Variants in TPTE observed in about 807,000 individuals in gnomAD.
TPTE encodes putative tyrosine-protein phosphatase TPTE.
A neutral mutation model predicts 84.1 loss-of-function variants in TPTE; 59 were observed. The observed-to-expected ratio is 0.70, with a 90% CI of 0.57 to 0.87. The LOEUF (loss-of-function observed/expected upper bound fraction) is 0.87. Among genes scored for constraint, TPTE ranks in the 40% least tolerant of loss-of-function variants. The pLI is 0.00. For synonymous variants in TPTE, 130 were observed against 223.5 expected (o/e 0.58, Z 3.73); for missense variants, 382 against 659.6 (o/e 0.58, Z 4.61).
At chr21:10,547,668 G>A (rs1457584800) in intron 7 of TPTE, among the ~76,000 whole-genome samples, 1 of 152,308 alleles carries the variant, frequency 6.6e-6, no homozygotes, top group Non-Finnish European at 1.5e-5. Flanking sequence ...GCCCTCCTCT[G>A]GGGGCCAGTA....
chr21:10,602,722 G>GT (rs745832655), intron 22 of TPTE: 7 of 518,068 alleles, frequency 1.4e-5, no homozygotes, highest in Admixed American at 3.9e-5. Flanking sequence ...AACCGAAGCA[G>GT]TTTTTTATTA....
At chr21:10,560,577 G>A (rs2074778780) in intron 9 of TPTE, among the ~76,000 whole-genome samples, 2 of 152,424 alleles carry the variant, frequency 1.3e-5, no homozygotes, top group Middle Eastern at 3.4e-3. Flanking sequence ...AAAAATCTTG[G>A]TCTTTTAAGA....
At chr21:10,537,608 G>A (rs2074289335) in intron 3 of TPTE, among the ~76,000 whole-genome samples, 1 of 152,262 alleles carries the variant, frequency 6.6e-6, no homozygotes, top group East Asian at 1.9e-4. Context: ...AACCCGGGAG[G>A]TGGAGCTTGC....
chr21:10,591,234 C>T (rs1441348442), intron 18 of TPTE, among the ~76,000 whole-genome samples: 5 of 152,308 alleles, frequency 3.3e-5, no homozygotes, highest in Non-Finnish European at 7.3e-5. Context: ...AGTTCTCAGT[C>T]ATTTTTCTTT....
chr21:10,553,823 T>C (rs1410137748), intron 8 of TPTE, among the ~76,000 whole-genome samples: 2 of 152,428 alleles, frequency 1.3e-5, no homozygotes, highest in East Asian at 3.8e-4. Flanking sequence ...ATTATTCAAA[T>C]GTAAACTGGC....
At chr21:10,556,368 G>T (rs1401014173) in intron 8 of TPTE, among the ~76,000 whole-genome samples, 1 of 152,308 alleles carries the variant, frequency 6.6e-6, no homozygotes. Flanking sequence ...CAAAGGACAT[G>T]AACTCATCCT....
chr21:10,551,219 A>G (rs1315548948), intron 7 of TPTE, among the ~76,000 whole-genome samples: 1 of 147,044 alleles, frequency 6.8e-6, no homozygotes. Context: ...TCTCACTCAT[A>G]GGTGGGAATT....
chr21:10,584,504 AT>A (rs1179738854), intron 17 of TPTE, among the ~76,000 whole-genome samples: 1 of 152,298 alleles, frequency 6.6e-6, no homozygotes, highest in African/African-American at 2.4e-5. Flanking sequence ...TGCCTAGCTA[AT>A]TTTTTCATTT....
At chr21:10,539,178 AAGG>A (rs1274846845) in intron 4 of TPTE, among the ~76,000 whole-genome samples, 4 of 151,540 alleles carry the variant, frequency 2.6e-5, no homozygotes, top group Non-Finnish European at 4.4e-5. Flanking sequence ...GATTGACAGA[AAGG>A]AGGAGAAAAT....
At chr21:10,524,263 G>C (rs896751804) in intron 1 of TPTE, among the ~76,000 whole-genome samples, 7 of 152,312 alleles carry the variant, frequency 4.6e-5, no homozygotes, top group Non-Finnish European at 7.3e-5. Flanking sequence ...GTTTTGGCGG[G>C]GGAACTAGAT....
chr21:10,598,094 G>C lies in TPTE; in HGVS notation c.1356G>C (p.Ser452=). ...CCACTATTTCATTAGGAAAATGTTC[G>C]GTAAGAGAAAACATGTGAATTGAAA... is the stretch of plus-strand genomic sequence containing the variant. ...VFSTISLGKC[S]VLDNITTDKI... is the part of the protein sequence containing the mutation. Residue 452 remains serine, a splice_region_variant and synonymous_variant, in exon 21 of 24, where the codon TCG becomes TCC. Coordinates refer to ENST00000618007, the MANE Select transcript of TPTE (RefSeq NM_199261.4). 6.2e-7 allele frequency: 1 copy of C among 1,613,516 alleles called. No individual in the cohort carries two copies. Among genetic ancestry groups the C allele is most frequent in the Non-Finnish European group, 8.5e-7 (1 of 1,179,550 alleles).
chr21:10,553,371 T>C (rs886317491), intron 8 of TPTE, among the ~76,000 whole-genome samples: 6 of 152,428 alleles, frequency 3.9e-5, no homozygotes, highest in African/African-American at 1.2e-4. Context: ...GGAGAGGAAG[T>C]ACTGCCATAG....
At chr21:10,546,094 A>G (rs2074462383) in intron 7 of TPTE, among the ~76,000 whole-genome samples, 3 of 152,298 alleles carry the variant, frequency 2.0e-5, no homozygotes, top group South Asian at 2.1e-4. Flanking sequence ...GTTTGTAGCA[A>G]CCCTACATTG....
At chr21:10,542,329 A>G (rs1304518094) in intron 5 of TPTE, 66 bp from the exon 6 acceptor site, 5 of 1,587,234 alleles carry the variant, frequency 3.2e-6, no homozygotes, top group Admixed American at 1.7e-5. Context: ...ATGAAAGGTA[A>G]TTTTTCCAAA....
At chr21:10,601,739 G>A (rs1274690322) in intron 21 of TPTE, among the ~76,000 whole-genome samples, 1 of 152,306 alleles carries the variant, frequency 6.6e-6, no homozygotes, top group South Asian at 2.1e-4. Flanking sequence ...TATAGTCCCA[G>A]CTACTTGGGA....
chr21:10,545,669 A>G (rs1243715079), intron 7 of TPTE, among the ~76,000 whole-genome samples: 2 of 152,066 alleles, frequency 1.3e-5, no homozygotes, highest in South Asian at 2.1e-4. Context: ...ACACATGTAT[A>G]TGTGTGTGTG....
chr21:10,524,978 T>A (rs1327475326), intron 2 of TPTE, among the ~76,000 whole-genome samples: 2 of 152,276 alleles, frequency 1.3e-5, no homozygotes, highest in Non-Finnish European at 2.9e-5. Flanking sequence ...TCTATGACAT[T>A]TTAGGCAGTG....
chr21:10,533,504 T>G (rs1190720232), intron 3 of TPTE, among the ~76,000 whole-genome samples: 1 of 152,310 alleles, frequency 6.6e-6, no homozygotes, highest in Admixed American at 6.5e-5. Flanking sequence ...GTTTGTGAAC[T>G]CAGATTTTTT....
intron 1 of TPTE, among the ~76,000 whole-genome samples, chr21:10,522,889 CTT>C (rs1212215611): frequency 2.0e-5 from 3 of 152,306 alleles, no homozygotes; most frequent in Non-Finnish European, 4.4e-5. Context: ...TCAAAATCCT[CTT>C]TTCTAGCGAG....
Sources: allele counts gnomAD v4.1 joint callset (sites outside exome capture counted in the v4.1 genomes callset), GRCh38; gene constraint gnomAD v4.1.1; transcripts MANE v1.5; gene names NCBI Gene and HGNC (gene_info 2026-07-23, HGNC 2026-07-21).